The following EML1 variants were observed in gnomAD, a reference collection of about 807,000 sequenced individuals.
EML1 encodes the protein EMAP like 1.
A neutral mutation model predicts 110.4 loss-of-function variants in EML1; 27 were observed. That is an observed-to-expected ratio of 0.24 (90% CI 0.18 to 0.34). The LOEUF (loss-of-function observed/expected upper bound fraction) is 0.34. EML1 is among the 10% of genes least tolerant of loss of function. The pLI is 1.00. For missense variants in EML1, 741 were observed against 1,030.9 expected (o/e 0.72, Z 3.85); for synonymous variants, 344 against 385.8 (o/e 0.89, Z 1.27).
intron 9 of EML1, among the ~76,000 whole-genome samples, chr14:99,904,076 C>T (rs1366501811): frequency 6.6e-6 from 1 of 152,102 alleles, no homozygotes; most frequent in Non-Finnish European, 1.5e-5. Context: ...AGCCATCGTG[C>T]CTGGCCAATG....
rs202083962 is a variant in EML1 at position 99,828,537 on chromosome 14, ATTAC to A, written c.68-22312_68-22309del. On this transcript the variant is annotated intron_variant, in intron 1 of 21. Transcript: ENST00000262233. Reference sequence around the variant, plus strand: ...TCTATTTTATTATTAGTTATTTATTATTACTTAATCTCTTACAGTGTCTAATTTA... The same window carrying A: ...TCTATTTTATTATTAGTTATTTATTATTAATCTCTTACAGTGTCTAATTTA... 3.2e-3 allele frequency among the ~76,000 whole-genome samples: 487 copies of A among 152,286 alleles called. 9 individuals carry two copies. The highest frequency in any genetic ancestry group is 0.027 in the Admixed American group (408 of 15,300).
intron 3 of EML1, among the ~76,000 whole-genome samples, chr14:99,876,759 C>G (rs1030881294): frequency 6.6e-6 from 1 of 152,204 alleles, no homozygotes; most frequent in Admixed American, 6.5e-5. Flanking sequence ...AGCCCCCTGC[C>G]TGCCCCTCCC....
At chr14:99,793,370 G>A (rs2140231913), upstream of EML1, 1 of 992,028 alleles carries the variant, frequency 1.0e-6, no homozygotes, top group Non-Finnish European at 1.2e-6. Flanking sequence ...GCCACAGCAG[G>A]GCCGGCCCCA....
intron 1 of EML1, chr14:99,809,454 C>T: frequency 3.0e-6 from 1 of 331,204 alleles, no homozygotes; most frequent in South Asian, 2.5e-5. Flanking sequence ...ATTTTCCATT[C>T]TGGCTGAAGT....
intron 10 of EML1, among the ~76,000 whole-genome samples, chr14:99,908,218 C>A (rs939123048): frequency 6.6e-6 from 1 of 152,244 alleles, no homozygotes; most frequent in Non-Finnish European, 1.5e-5. Flanking sequence ...GAGCCCCGAG[C>A]TAAACCCCAA....
chr14:99,762,049 T>C (rs2057319724), intron 1 of EML1, among the ~76,000 whole-genome samples: 2 of 151,852 alleles, frequency 1.3e-5, no homozygotes, highest in Admixed American at 1.3e-4. Context: ...TAGGGAAATA[T>C]GTGGAGGTGG....
chr14:99,807,953 A>G (rs116128799), intron 1 of EML1, among the ~76,000 whole-genome samples: 4,916 of 151,540 alleles, frequency 0.032, 210 homozygotes, highest in African/African-American at 0.11. Flanking sequence ...AGTTTCCAGG[A>G]CTCTGTGGTC....
At chr14:99,754,382 G>C (rs570210704) in intron 1 of EML1, among the ~76,000 whole-genome samples, 1 of 152,106 alleles carries the variant, frequency 6.6e-6, no homozygotes, top group African/African-American at 2.4e-5. Context: ...ACGGTGGCAC[G>C]CATGGCGTTT....
intron 17 of EML1, among the ~76,000 whole-genome samples, chr14:99,923,238 C>T (rs1045542434): frequency 2.0e-5 from 3 of 152,192 alleles, no homozygotes; most frequent in Admixed American, 1.3e-4. Flanking sequence ...CCACCATGCC[C>T]AGCCTTCATT....
chr14:99,938,656 A>T (rs2060518466), intron 20 of EML1, among the ~76,000 whole-genome samples: 1 of 152,234 alleles, frequency 6.6e-6, no homozygotes, highest in Non-Finnish European at 1.5e-5. Context: ...ACCTGGGCTC[A>T]GGGATGCAGA....
intron 1 of EML1, among the ~76,000 whole-genome samples, chr14:99,744,448 G>A (rs1180217924): frequency 6.6e-6 from 1 of 152,088 alleles, no homozygotes. Context: ...AAGCCACATG[G>A]GCACACCAAA....
chr14:99,891,370 C>T, intron 5 of EML1, 143 bp downstream of exon 5: 1 of 1,029,626 alleles, frequency 9.7e-7, no homozygotes, highest in East Asian at 2.4e-5. Context: ...GAGCTTTGTA[C>T]CTGGAGGTTG....
At chr14:99,836,064 A>AAC (rs57208678) in intron 1 of EML1, among the ~76,000 whole-genome samples, 103,329 of 151,998 alleles carry the variant, frequency 0.68, 35,216 homozygotes, top group Non-Finnish European at 0.7. Context: ...TGATATTTAC[A>AAC]AAATAGCTTG....
intron 20 of EML1, among the ~76,000 whole-genome samples, chr14:99,938,733 G>A (rs2060520038): frequency 6.6e-6 from 1 of 152,256 alleles, no homozygotes; most frequent in South Asian, 2.1e-4. Context: ...CACAGTGAGT[G>A]ACCCCAAGAA....
At position 99,813,718 on chromosome 14, in the gene EML1, T is replaced by A. The variant is rs192555834; in HGVS notation, c.67+20175T>A. Among the ~76,000 whole-genome samples the A allele has an allele frequency of 4.4e-3, 661 of 151,432 alleles. 7 individuals are homozygous for A. The highest frequency in any genetic ancestry group is 0.011 in the African/African-American group (467 of 41,232). ...GCAAGACTCTGTCTTAAAAAAAAAATTTTTTTTTAACTATAGAGATGGAGG... is the reference window on the plus strand; with the variant it reads ...GCAAGACTCTGTCTTAAAAAAAAAAATTTTTTTTAACTATAGAGATGGAGG... On this transcript the variant is annotated intron_variant, in intron 1 of 21. Transcript: ENST00000262233.
At chr14:99,755,050 A>G (rs995991178) in intron 1 of EML1, among the ~76,000 whole-genome samples, 2 of 152,254 alleles carry the variant, frequency 1.3e-5, no homozygotes, top group African/African-American at 4.8e-5. Context: ...GCAGGGAACA[A>G]CAGGCCTTTG....
At chr14:99,896,888 C>G (rs139854198) in intron 6 of EML1, among the ~76,000 whole-genome samples, 1 of 152,134 alleles carries the variant, frequency 6.6e-6, no homozygotes, top group Non-Finnish European at 1.5e-5. Flanking sequence ...ATAATTGACT[C>G]AATAGCTTTC....
At chr14:99,786,930 G>C (rs1021566988) in intron 1 of EML1, among the ~76,000 whole-genome samples, 30 of 152,200 alleles carry the variant, frequency 2.0e-4, no homozygotes, top group African/African-American at 7.0e-4. Context: ...AGGACAGAGG[G>C]AGATGAAATT....
At chr14:99,738,685 C>A (rs1471733572) in intron 1 of EML1, among the ~76,000 whole-genome samples, 3 of 152,234 alleles carry the variant, frequency 2.0e-5, no homozygotes, top group Non-Finnish European at 4.4e-5. Flanking sequence ...TCCTAACCCC[C>A]CAATGGCTGT....
Sources: gnomAD v4.1 joint callset for allele counts (sites outside exome capture counted in the v4.1 genomes callset) on GRCh38, gnomAD v4.1.1 for gene constraint, MANE v1.5 for transcripts, NCBI Gene and HGNC (gene_info 2026-07-23, HGNC 2026-07-21) for gene names.